The following DPF3 variants were observed in gnomAD, a reference collection of about 807,000 sequenced individuals.
The protein encoded by DPF3 is double PHD fingers 3, also known as zinc finger protein DPF3.
DPF3 carries 18 observed loss-of-function variants against 56.8 expected under a neutral mutation model. The observed-to-expected ratio is 0.32, with a 90% CI of 0.22 to 0.47. The LOEUF is 0.47. DPF3 is among the 20% of genes least tolerant of loss of function. The probability of loss-of-function intolerance (pLI) is 1.00; values close to 1 mark genes in which losing one functional copy is unlikely to be tolerated. For missense variants in DPF3, 403 were observed against 488.8 expected, an observed-to-expected ratio of 0.82 and a Z score of 1.65; for synonymous variants, 188 against 180.2, an observed-to-expected ratio of 1.04 and a Z score of -0.35.
chr14:72,746,964 G>C (rs1192844131), intron 3 of DPF3, among the ~76,000 whole-genome samples: 1 of 152,224 alleles, frequency 6.6e-6, no homozygotes, highest in Non-Finnish European at 1.5e-5. Flanking sequence ...GCTGCTCCAC[G>C]TTCACCCACA....
At chr14:72,807,748 G>A (rs897886475) in intron 1 of DPF3, among the ~76,000 whole-genome samples, 3 of 152,126 alleles carry the variant, frequency 2.0e-5, no homozygotes, top group Non-Finnish European at 4.4e-5. Context: ...AAGAGACAGG[G>A]TTTTGCTTTG....
intron 1 of DPF3, among the ~76,000 whole-genome samples, chr14:72,812,835 A>C (rs1005398107): frequency 1.3e-4 from 20 of 152,182 alleles, no homozygotes; most frequent in Non-Finnish European, 1.0e-4. Flanking sequence ...ACCAAACAAA[A>C]GACGGGAAGC....
At chr14:72,622,005 C>T (rs2526930) in intron 9 of DPF3, among the ~76,000 whole-genome samples, 28,837 of 152,118 alleles carry the variant, frequency 0.19, 3,817 homozygotes, top group African/African-American at 0.37. Context: ...GAGATATGGA[C>T]TTGGGATTCA....
intron 1 of DPF3, among the ~76,000 whole-genome samples, chr14:72,818,207 C>T (rs1883372769): frequency 6.6e-6 from 1 of 151,934 alleles, no homozygotes; most frequent in African/African-American, 2.4e-5. Context: ...AGCCACTGCA[C>T]TCCAGCTTGG....
intron 8 of DPF3, among the ~76,000 whole-genome samples, chr14:72,632,350 G>T (rs1021885963): frequency 1.9e-4 from 29 of 152,100 alleles, no homozygotes; most frequent in African/African-American, 6.5e-4. Context: ...GTCTATGATT[G>T]CATTAATATC....
chr14:72,734,816 T>C (rs75350390), intron 3 of DPF3, among the ~76,000 whole-genome samples: 1,632 of 152,222 alleles, frequency 0.011, 28 homozygotes, highest in African/African-American at 0.037. Flanking sequence ...CCCCCTCTCA[T>C]TGTATTCTTA....
At chr14:72,641,548 T>A (rs556463568) in intron 8 of DPF3, among the ~76,000 whole-genome samples, 223 of 152,292 alleles carry the variant, frequency 1.5e-3, no homozygotes, top group Non-Finnish European at 2.7e-3. Flanking sequence ...CAGGTCCTGA[T>A]GGAGGCTTCT....
intron 3 of DPF3, among the ~76,000 whole-genome samples, chr14:72,742,915 T>A (rs1359650822): frequency 2.0e-5 from 3 of 152,110 alleles, no homozygotes; most frequent in Non-Finnish European, 4.4e-5. Flanking sequence ...TCCCTCCGCC[T>A]GGACCACCCC....
At chr14:72,777,753 C>T (rs148602395) in intron 1 of DPF3, among the ~76,000 whole-genome samples, 90 of 152,148 alleles carry the variant, frequency 5.9e-4, no homozygotes, top group Non-Finnish European at 1.0e-3. Context: ...TCTCTTGCTC[C>T]TGTTTTTATC....
At chr14:72,752,728 G>GCAA (rs1167362164) in intron 3 of DPF3, among the ~76,000 whole-genome samples, 13 of 152,302 alleles carry the variant, frequency 8.5e-5, no homozygotes, top group South Asian at 4.2e-4. Flanking sequence ...TGGCCACAGA[G>GCAA]CAATCTGCAT....
chr14:72,689,699 G>A (rs1268970806), intron 7 of DPF3, among the ~76,000 whole-genome samples: 1 of 152,214 alleles, frequency 6.6e-6, no homozygotes, highest in African/African-American at 2.4e-5. Context: ...CCAGGGGAAT[G>A]TGGGAGGGAG....
chr14:72,629,483 G>T, intron 9 of DPF3, 141 bp downstream of exon 9: 1 of 680,932 alleles, frequency 1.5e-6, no homozygotes, highest in Non-Finnish European at 2.5e-6. Context: ...AGCCCTCAAG[G>T]GCTAATGGCC....
chr14:72,756,906 A>AAAAGAAAGAAAGAAAAAGAAAG, intron 2 of DPF3, among the ~76,000 whole-genome samples: 1 of 74,660 alleles, frequency 1.3e-5, no homozygotes, highest in Non-Finnish European at 2.6e-5. Flanking sequence ...AGAAAAGAAA[A>AAAAGAAAGAAAGAAAAAGAAAG]AAAGAAAGAA....
chr14:72,856,317 C>T (rs142827418), intron 1 of DPF3, among the ~76,000 whole-genome samples: 1 of 152,206 alleles, frequency 6.6e-6, no homozygotes, highest in Non-Finnish European at 1.5e-5. Flanking sequence ...AACATCTTTC[C>T]TTCCTTTCTG....
chr14:72,744,141 A>G (rs1310289901), intron 3 of DPF3, among the ~76,000 whole-genome samples: 2 of 152,200 alleles, frequency 1.3e-5, no homozygotes, highest in Admixed American at 6.5e-5. Flanking sequence ...TTTTATTTTC[A>G]GCAAATAATA....
chr14:72,869,304 C>G (rs1002691647), intron 1 of DPF3, among the ~76,000 whole-genome samples: 4 of 152,090 alleles, frequency 2.6e-5, no homozygotes, highest in African/African-American at 9.7e-5. Context: ...ATCTGTCTTC[C>G]CAAGTGGACC....
intron 1 of DPF3, among the ~76,000 whole-genome samples, chr14:72,826,105 A>T (rs1186308820): frequency 6.6e-6 from 1 of 152,162 alleles, no homozygotes; most frequent in Non-Finnish European, 1.5e-5. Context: ...TCCCCTGCCA[A>T]CAACTTGAAA....
chr14:72,736,337 T>G (rs1057230277), intron 3 of DPF3, among the ~76,000 whole-genome samples: 3 of 152,202 alleles, frequency 2.0e-5, no homozygotes, highest in African/African-American at 7.2e-5. Flanking sequence ...AAGAGCTCCA[T>G]AGCCACAGGT....
In DPF3 at chr14:72,667,618, A is replaced by C. The variant is rs1886494455; in HGVS notation, c.871+6622T>G. ...CACAGCTCCTACAATTCCTAAGGTC[A>C]CAAAAAAGGTGATCTCTTTGTACAT... On this transcript the variant is annotated intron_variant, in intron 8 of 10. Coordinates refer to ENST00000556509, the MANE Select transcript of DPF3 (RefSeq NM_001280542.3). 2.0e-5 allele frequency among the ~76,000 whole-genome samples: 3 copies of C among 152,350 alleles called. No homozygotes were observed. The South Asian group carries it at 6.2e-4, about 32-fold the overall frequency.
Sources: allele counts gnomAD v4.1 joint callset (sites outside exome capture counted in the v4.1 genomes callset), GRCh38; gene constraint gnomAD v4.1.1; transcripts MANE v1.5; gene names NCBI Gene and HGNC (gene_info 2026-07-23, HGNC 2026-07-21).